The following ANO7 variants were observed in gnomAD, a reference collection of about 807,000 sequenced individuals.
ANO7 encodes the protein anoctamin-7.
Under a neutral mutation model 115.8 loss-of-function variants are expected in ANO7, and 114 were observed. The ratio of observed to expected loss-of-function variants is 0.98; its 90% confidence interval spans 0.85 to 1.15. The LOEUF is 1.15. Ranked by LOEUF, ANO7 falls within the 50% of genes most tolerant of loss-of-function variation. The probability of loss-of-function intolerance (pLI) is 0.00; values close to 1 mark genes in which losing one functional copy is unlikely to be tolerated. For missense variants in ANO7, 1,302 were observed against 1,201.2 expected, an observed-to-expected ratio of 1.08 and a Z score of -1.24; for synonymous variants, 550 against 498.2, an observed-to-expected ratio of 1.10 and a Z score of -1.38.
Position 241,210,542 on chromosome 2 carries a change from A to G in ANO7, c.1533A>G (p.Val511=), listed in dbSNP as rs769310018. The change falls in exon 15 of 25, where the codon GTA becomes GTG. Residue 511 remains valine (V), a synonymous_variant. Transcript: ENST00000674324. ...TCCTCATCCTCTCCAAGATCTATGTATCCCTGGCCCACGTCCTGACACGAT... is the reference window on the plus strand; with the variant it reads ...TCCTCATCCTCTCCAAGATCTATGTGTCCCTGGCCCACGTCCTGACACGAT... ...VFILILSKIY[V]SLAHVLTRWE... is the part of the protein sequence containing the mutation. 1.2e-6 allele frequency: 2 copies of G among 1,613,826 alleles called. No homozygotes were observed. The highest frequency in any genetic ancestry group is 2.2e-5 in the South Asian group (2 of 91,080).
rs2074840 is a variant in ANO7 at position 241,202,304 on chromosome 2, C to T, written c.723C>T (p.Asp241=). The change falls in exon 8 of 25, where the codon GAC becomes GAT. Residue 241 remains aspartate (D), a splice_region_variant and synonymous_variant. Transcript: ENST00000674324. ...TCAGTGCCGCCTTCCCCCTGCATGA[C>T]GTGAGCTCGGGGGCTGGGGGCTCCA... ...GVLSAAFPLH[D]GPFKTPPEGP... 0.64 allele frequency: 1,027,768 copies of T among 1,611,440 alleles called. 342,094 individuals carry two copies. The highest frequency in any genetic ancestry group is 0.7 in the Non-Finnish European group (820,204 of 1,179,264).
In ANO7 at chr2:241,210,496, C is replaced by T. The variant is rs1346810534; in HGVS notation, c.1487C>T (p.Ser496Phe). ...TCTCGCATCGCCAGCCTCACGGGGTCTGTAGTGAACCTCGTCTTCATCCTC... is the reference window on the plus strand; with the variant it reads ...TCTCGCATCGCCAGCCTCACGGGGTTTGTAGTGAACCTCGTCTTCATCCTC... ...WASRIASLTG[S>F]VVNLVFILIL... The change falls in exon 15 of 25, where the codon TCT becomes TTT. Residue 496 changes from serine (S) to phenylalanine (F), a missense_variant. By Grantham distance (155) the Ser-to-Phe change is radical (BLOSUM62 -2). Transcript: ENST00000674324. 9.9e-6 allele frequency: 16 copies of T among 1,614,080 alleles called. No individual in the cohort carries two copies. Among genetic ancestry groups the T allele is most frequent in the Admixed American group, 1.7e-5 (1 of 60,032 alleles).
At chr2:241,213,948 T>C (rs751521899) in intron 17 of ANO7, among the ~76,000 whole-genome samples, 9 of 152,190 alleles carry the variant, frequency 5.9e-5, no homozygotes, top group Non-Finnish European at 1.2e-4. Context: ...GGGCTCTCAA[T>C]TGTTAAGTGG....
In ANO7 at chr2:241,203,286, TG is replaced by T; in HGVS notation, c.724-43del. On this transcript the variant is annotated intron_variant, in intron 8 of 24. Transcript: ENST00000674324. This position sits in a 1 kb window ranked among gnomAD's most constrained non-coding sequence, Gnocchi z 4.8. ...CCCCTGCACCTACAACAGTGCCCAGTGGGGTCAGCTGGGGGAGCCTCCCACC... is the reference window on the plus strand; with the variant it reads ...CCCCTGCACCTACAACAGTGCCCAGTGGGTCAGCTGGGGGAGCCTCCCACC... The T allele has an allele frequency of 1.0e-5, 15 of 1,440,120 alleles. No homozygotes were observed. The highest frequency in any genetic ancestry group is 1.0e-5 in the Non-Finnish European group (11 of 1,087,428). The allele number at this position is 1,440,120 out of a possible 1,614,324, so 89.2% of individuals were successfully genotyped here.
downstream of ANO7, chr2:241,228,729 G>C (rs1164509622): frequency 6.5e-6 from 1 of 153,032 alleles, no homozygotes; most frequent in East Asian, 1.9e-4. Context: ...AGCTAGGGCA[G>C]GGGCAGGGAG....
chr2:241,209,681 C>T, intron 13 of ANO7, 46 bp downstream of exon 13: 1 of 1,499,222 alleles, frequency 6.7e-7, no homozygotes, highest in Non-Finnish European at 8.9e-7. Flanking sequence ...TCCTCCTGCA[C>T]CATGTGGGGT....
chr2:241,239,868 C>T, the ANO7 span: 2 of 1,612,542 alleles, frequency 1.2e-6, no homozygotes, highest in African/African-American at 2.7e-5. The surrounding 1 kb of genome is among the most constrained non-coding windows in gnomAD (Gnocchi z 4.6). Context: ...ATCACGGCCC[C>T]AGCAGAGTCG....
At chr2:241,197,526 A>G (rs1159486481) in intron 4 of ANO7, among the ~76,000 whole-genome samples, 1 of 152,058 alleles carries the variant, frequency 6.6e-6, no homozygotes, top group Non-Finnish European at 1.5e-5. Flanking sequence ...AGCTGGGACT[A>G]CAGGCCCACA....
intron 21 of ANO7, among the ~76,000 whole-genome samples, chr2:241,221,193 A>C (rs918750561): frequency 1.3e-5 from 2 of 151,172 alleles, no homozygotes; most frequent in African/African-American, 4.9e-5. Flanking sequence ...CTCCTGCCTC[A>C]GCCTCACAAG....
At position 241,188,833 on chromosome 2, in the gene ANO7, G is replaced by A. The variant is rs1020060007; in HGVS notation, c.-8+67G>A. 3.2e-6 allele frequency: 5 copies of A among 1,557,862 alleles called. No homozygotes were observed. The highest frequency in any genetic ancestry group is 4.4e-6 in the Non-Finnish European group (5 of 1,149,000). ...GGAGCGTTGGACTCTAGGGAGGCAG[G>A]GCGGCACCCCAGCCCACCGGGACTT... On this transcript the variant is annotated intron_variant, in intron 1 of 24. Coordinates refer to ENST00000674324, the MANE Select transcript of ANO7 (RefSeq NM_001370694.2). This position sits in a 1 kb window ranked among gnomAD's most constrained non-coding sequence, Gnocchi z 4.3.
Position 241,199,417 on chromosome 2 carries a change from C to T in ANO7, c.411C>T (p.Pro137=), listed in dbSNP as rs748913806. The part of the protein sequence containing the change: ...YYAEDLRLKL[P]LQELPNQASN... ...CCGAAGACCTGCGCCTGAAGCTGCC[C>T]TTGCAGGTACGTGGGAGGCATGGGG... The change falls in exon 5 of 25, where the codon CCC becomes CCT. Residue 137 remains proline, a synonymous_variant. Transcript: ENST00000674324. The T allele has an allele frequency of 6.2e-7, 1 of 1,613,734 alleles. No homozygotes were observed. The highest frequency in any genetic ancestry group is 8.5e-7 in the Non-Finnish European group (1 of 1,180,002).
At chr2:241,200,249 G>A (rs1248864637) in intron 6 of ANO7, 24 bp downstream of exon 6, 124 of 1,607,680 alleles carry the variant, frequency 7.7e-5, no homozygotes, top group Non-Finnish European at 9.8e-5. Context: ...CCTGCCAGTC[G>A]GAGGAAAGAA....
chr2:241,223,747 A>G lies in ANO7; in HGVS notation c.2498A>G (p.Tyr833Cys). The G allele has an allele frequency of 6.2e-7, 1 of 1,614,190 alleles. No individual in the cohort carries two copies. Among genetic ancestry groups the G allele is most frequent in the Non-Finnish European group, 8.5e-7 (1 of 1,180,030 alleles). Residue 833 changes from tyrosine (Y) to cysteine (C), a missense_variant, in exon 23 of 25, where the codon TAC (tyrosine) becomes TGC (cysteine). Tyr to Cys is a radical substitution (Grantham distance 194). Coordinates refer to ENST00000674324, the MANE Select transcript of ANO7 (RefSeq NM_001370694.2). Reference sequence around the variant, plus strand: ...GTGGAGATCAAAGTGAAGCGGGAGTACTACCTGGCTAAGCAGGCACTGGCT... The same window carrying G: ...GTGGAGATCAAAGTGAAGCGGGAGTGCTACCTGGCTAAGCAGGCACTGGCT... The part of the protein sequence containing the change: ...ESVEIKVKRE[Y>C]YLAKQALAEN...
At chr2:241,231,030 A>G in the ANO7 span, 1 of 1,172,244 alleles carries the variant, frequency 8.5e-7, no homozygotes, top group African/African-American at 1.5e-5. Flanking sequence ...TGCTGAGGAA[A>G]ACAGCTCAGG....
Position 241,223,494 on chromosome 2 carries a change from C to G in ANO7, c.2413-168C>G. On this transcript the variant is annotated intron_variant, in intron 22 of 24. Transcript: ENST00000674324. Reference sequence around the variant, plus strand: ...GGGTGTCTCCACAGGAGCCCCAGGGCCACGAAAGCTGGGGTGGCCTCTGCC... The same window carrying G: ...GGGTGTCTCCACAGGAGCCCCAGGGGCACGAAAGCTGGGGTGGCCTCTGCC... 4.3e-6 allele frequency: 5 copies of G among 1,155,408 alleles called. No homozygotes were observed. The South Asian group carries it at 7.3e-5, about 17-fold the overall frequency. 71.6% of individuals were successfully genotyped at this position (1,155,408 alleles called of 1,614,324 possible).
At chr2:241,223,816 A>G (rs1559460155) in intron 23 of ANO7, 35 bp downstream of exon 23, 2 of 1,613,866 alleles carry the variant, frequency 1.2e-6, no homozygotes, top group Admixed American at 1.7e-5. Context: ...CCCTCCCCCC[A>G]GCCCTCTCCC....
chr2:241,197,479 G>C (rs983373582), intron 4 of ANO7, among the ~76,000 whole-genome samples: 4 of 152,000 alleles, frequency 2.6e-5, no homozygotes, highest in African/African-American at 9.7e-5. Context: ...TCAATCTCCC[G>C]AGGCTCAAGC....
intron 17 of ANO7, among the ~76,000 whole-genome samples, chr2:241,213,335 C>T (rs1247961513): frequency 2.0e-5 from 3 of 152,286 alleles, no homozygotes; most frequent in Non-Finnish European, 4.4e-5. Context: ...CCCATCAGCA[C>T]AGTGGGCTCT....
At chr2:241,239,800 G>T in the ANO7 span, 1 of 1,613,878 alleles carries the variant, frequency 6.2e-7, no homozygotes, top group East Asian at 2.2e-5. The surrounding 1 kb of genome is among the most constrained non-coding windows in gnomAD (Gnocchi z 4.6). Flanking sequence ...CCACCAGCAT[G>T]GAGTCTTCCA....
Sources: allele counts gnomAD v4.1 joint callset (sites outside exome capture counted in the v4.1 genomes callset), GRCh38; gene constraint gnomAD v4.1.1; non-coding constraint Gnocchi (gnomAD v3.1); transcripts MANE v1.5; gene names NCBI Gene and HGNC (gene_info 2026-07-23, HGNC 2026-07-21).